The following MGMT variants were observed in gnomAD, a reference collection of about 807,000 sequenced individuals.
MGMT encodes methylated-DNA--protein-cysteine methyltransferase.
A neutral mutation model predicts 15.9 loss-of-function variants in MGMT; 14 were observed. The observed-to-expected ratio is 0.88, with a 90% CI of 0.58 to 1.37. MGMT has a LOEUF of 1.37. Among genes scored for constraint, MGMT ranks in the 40% most tolerant of loss-of-function variants. The pLI, the probability that MGMT is intolerant of heterozygous loss-of-function variation, is 0.00. For missense variants in MGMT, 282 were observed against 268.1 expected, an observed-to-expected ratio of 1.05 and a Z score of -0.36; for synonymous variants, 130 against 118.2, an observed-to-expected ratio of 1.10 and a Z score of -0.65.
At chr10:129,660,441 A>G (rs752075295) in intron 2 of MGMT, among the ~76,000 whole-genome samples, 4 of 152,146 alleles carry the variant, frequency 2.6e-5, no homozygotes, top group Admixed American at 6.5e-5. Context: ...CTGATACCCC[A>G]TCAAACTTGA....
intron 2 of MGMT, among the ~76,000 whole-genome samples, chr10:129,638,663 A>T (rs1441894924): frequency 6.6e-6 from 1 of 152,154 alleles, no homozygotes; most frequent in Non-Finnish European, 1.5e-5. Context: ...ACAGAGTTTT[A>T]TATGCAGCTA....
At chr10:129,590,272 C>T (rs1222560793) in intron 2 of MGMT, among the ~76,000 whole-genome samples, 1 of 152,214 alleles carries the variant, frequency 6.6e-6, no homozygotes, top group East Asian at 1.9e-4. Flanking sequence ...AAATATAGTT[C>T]ACTTTATAGT....
At chr10:129,725,290 C>T (rs965621648) in intron 3 of MGMT, among the ~76,000 whole-genome samples, 2 of 152,244 alleles carry the variant, frequency 1.3e-5, no homozygotes, top group African/African-American at 4.8e-5. Flanking sequence ...GGTGCCCATC[C>T]TCAGAGACCC....
At chr10:129,523,725 A>G (rs899275505) in intron 1 of MGMT, among the ~76,000 whole-genome samples, 5 of 147,222 alleles carry the variant, frequency 3.4e-5, no homozygotes, top group Non-Finnish European at 7.5e-5. Context: ...TTTAAAGGAC[A>G]GCCACAGTCC....
intron 2 of MGMT, among the ~76,000 whole-genome samples, chr10:129,588,736 A>G (rs1228328736): frequency 1.3e-5 from 2 of 152,254 alleles, no homozygotes; most frequent in Non-Finnish European, 2.9e-5. Flanking sequence ...GTGCCAGCAC[A>G]CTGACATCAC....
chr10:129,720,059 C>T lies in MGMT; in HGVS notation c.274+12016C>T, dbSNP rs1428396667. Among the ~76,000 whole-genome samples, 14 of 152,120 alleles carry T rather than the reference C, an allele frequency of 9.2e-5. 1 individual carries two copies. The highest frequency in any genetic ancestry group is 9.2e-4 in the Admixed American group (14 of 15,282). ...GCCAACAGAACTTCCCAAGGACGCC[C>T]GCCCTCCGCCCTTGCTTGCTATGTG... On this transcript the variant is annotated intron_variant, in intron 3 of 4. Transcript: ENST00000651593.
chr10:129,483,010 A>G (rs1341444002), intron 1 of MGMT, among the ~76,000 whole-genome samples: 2 of 152,132 alleles, frequency 1.3e-5, no homozygotes, highest in Non-Finnish European at 1.5e-5. Context: ...TTATTTGGAT[A>G]TGTTTTTGAA....
intron 2 of MGMT, among the ~76,000 whole-genome samples, chr10:129,707,273 G>A (rs60783356): frequency 0.035 from 5,386 of 151,856 alleles, 293 homozygotes; most frequent in African/African-American, 0.12. Flanking sequence ...GCAAAACTCC[G>A]TCTCAAAACA....
intron 2 of MGMT, among the ~76,000 whole-genome samples, chr10:129,687,811 T>C (rs1303580095): frequency 6.6e-6 from 1 of 151,998 alleles, no homozygotes; most frequent in Non-Finnish European, 1.5e-5. Context: ...ACTCATCACT[T>C]ACATTAGGTA....
chr10:129,656,140 G>A lies in MGMT; in HGVS notation c.126-51755G>A, dbSNP rs146523130. On this transcript the variant is annotated intron_variant, in intron 2 of 4. Coordinates refer to ENST00000651593, the MANE Select transcript of MGMT (RefSeq NM_002412.5). ...GGAGAGGTGAGGTAGTTGGTGCGGT[G>A]CCCCTCCTGGAGTCCCTTCAGGACT... is the stretch of plus-strand genomic sequence containing the variant. Among the ~76,000 whole-genome samples, 17 of 152,292 alleles carry A rather than the reference G, an allele frequency of 1.1e-4. 1 individual carries two copies. Among genetic ancestry groups the A allele is most frequent in the South Asian group, 6.2e-4 (3 of 4,828 alleles).
intron 3 of MGMT, among the ~76,000 whole-genome samples, chr10:129,718,908 A>G (rs1466814527): frequency 1.3e-5 from 2 of 150,908 alleles, no homozygotes; most frequent in African/African-American, 4.9e-5. Context: ...GGATGTCTAG[A>G]GCTAGTTCGT....
chr10:129,566,343 G>A lies in MGMT; in HGVS notation c.125+29966G>A, dbSNP rs1846354313. ...CGACTACGTTGCCAAGGAGATGCTCGCTCGGAGTGGTTGCTCTGGCTCTGG... is the reference window on the plus strand; with the variant it reads ...CGACTACGTTGCCAAGGAGATGCTCACTCGGAGTGGTTGCTCTGGCTCTGG... On this transcript the variant is annotated intron_variant, in intron 2 of 4. Transcript: ENST00000651593. This position sits in a 1 kb window ranked among gnomAD's most constrained non-coding sequence, Gnocchi z 4.1. Among the ~76,000 whole-genome samples the A allele has an allele frequency of 1.3e-5, 2 of 152,168 alleles. No individual in the cohort carries two copies. Among genetic ancestry groups the A allele is most frequent in the Non-Finnish European group, 2.9e-5 (2 of 68,024 alleles).
chr10:129,537,066 G>A (rs919079819), intron 2 of MGMT: 3 of 151,918 alleles, frequency 2.0e-5, no homozygotes, highest in African/African-American at 7.3e-5. Flanking sequence ...GCATTCCTTA[G>A]TGTTTTGCTT....
chr10:129,637,053 A>G (rs1028964716), intron 2 of MGMT, among the ~76,000 whole-genome samples: 13 of 152,210 alleles, frequency 8.5e-5, no homozygotes, highest in Non-Finnish European at 1.5e-5. Context: ...TACATTTTCA[A>G]TGACCTGTTT....
At chr10:129,619,487 T>G (rs1015828437) in intron 2 of MGMT, among the ~76,000 whole-genome samples, 1 of 152,198 alleles carries the variant, frequency 6.6e-6, no homozygotes, top group Non-Finnish European at 1.5e-5. Flanking sequence ...TAGGCTTTAT[T>G]ATCGGGGTAA....
At chr10:129,560,102 G>A (rs1228576068) in intron 2 of MGMT, among the ~76,000 whole-genome samples, 2 of 152,224 alleles carry the variant, frequency 1.3e-5, no homozygotes, top group Non-Finnish European at 1.5e-5. Flanking sequence ...CTGACATTCT[G>A]TGAAAAAGGT....
intron 2 of MGMT, among the ~76,000 whole-genome samples, chr10:129,620,141 G>A (rs1045961240): frequency 5.3e-5 from 8 of 152,186 alleles, no homozygotes; most frequent in Non-Finnish European, 1.0e-4. Flanking sequence ...TGTTTGTTAA[G>A]TAATATAAGT....
chr10:129,646,435 T>G (rs1847389331), intron 2 of MGMT, among the ~76,000 whole-genome samples: 1 of 152,028 alleles, frequency 6.6e-6, no homozygotes, highest in African/African-American at 2.4e-5. Flanking sequence ...TTTAACTAAC[T>G]GAAGCCAAAT....
At chr10:129,608,806 AGC>A in intron 2 of MGMT, among the ~76,000 whole-genome samples, 1 of 152,364 alleles carries the variant, frequency 6.6e-6, no homozygotes, top group Non-Finnish European at 1.5e-5. Flanking sequence ...CAGGAGGCCC[AGC>A]GCGTGCTCCC....
Sources: allele counts gnomAD v4.1 joint callset (sites outside exome capture counted in the v4.1 genomes callset), GRCh38; gene constraint gnomAD v4.1.1; non-coding constraint Gnocchi (gnomAD v3.1); transcripts MANE v1.5; gene names NCBI Gene and HGNC (gene_info 2026-07-23, HGNC 2026-07-21).